SPATA45: variants seen among roughly 807,000 people sequenced by gnomAD.
SPATA45 encodes the protein spermatogenesis-associated protein 45.
In SPATA45, 5 loss-of-function variants were observed where a neutral mutation model predicts 7.0. The ratio of observed to expected loss-of-function variants is 0.71; its 90% confidence interval spans 0.37 to 1.50. The LOEUF is 1.50. SPATA45 is among the 40% of genes most tolerant of loss of function. The pLI is 0.03. For synonymous variants in SPATA45, 40 were observed against 38.7 expected (o/e 1.03, Z -0.13); for missense variants, 111 against 114.9 (o/e 0.97, Z 0.16).
At chr1:212,838,643 T>A (rs1410684772) in intron 1 of SPATA45, among the ~76,000 whole-genome samples, 1 of 151,826 alleles carries the variant, frequency 6.6e-6, no homozygotes, top group African/African-American at 2.4e-5. Flanking sequence ...ACATGAATGT[T>A]AATCACAGCT....
In SPATA45 at chr1:212,830,805, AC is replaced by A. The variant is rs552759697; in HGVS notation, c.278-545del. On this transcript the variant is annotated intron_variant, in intron 2 of 2. Coordinates refer to ENST00000332912, the MANE Select transcript of SPATA45 (RefSeq NM_001024601.3). ...AGACCATCCTGGCCAACATGTTGAA[AC>A]CCCCATCTCTACTAAAAAGACAAAA... is the stretch of plus-strand genomic sequence containing the variant. 2.7e-5 allele frequency among the ~76,000 whole-genome samples: 4 copies of A among 150,746 alleles called. No individual in the cohort carries two copies. The South Asian group carries it at 8.5e-4, about 32-fold the overall frequency.
intron 2 of SPATA45, among the ~76,000 whole-genome samples, chr1:212,835,369 C>CA (rs1449785699): frequency 3.3e-5 from 5 of 150,446 alleles, no homozygotes; most frequent in Admixed American, 3.3e-4. Flanking sequence ...ACTAAAAATA[C>CA]AAAAAAATCA....
At chr1:212,839,693 G>A (rs1268740368) in intron 1 of SPATA45, among the ~76,000 whole-genome samples, 1 of 151,630 alleles carries the variant, frequency 6.6e-6, no homozygotes, top group Non-Finnish European at 1.5e-5. Flanking sequence ...CTTGGGAATG[G>A]GGAAAGGTAG....
rs181070203 is a variant in SPATA45 at position 212,846,300 on chromosome 1, A to G, written c.-39+1280T>C. Among the ~76,000 whole-genome samples the G allele has an allele frequency of 9.2e-5, 14 of 152,028 alleles. No individual in the cohort carries two copies. The East Asian group carries it at 2.7e-3, about 29-fold the overall frequency. ...AAAAACATTGCCATTATCTCTCCAT[A>G]CCACCCCCAAAAGTTTTCGCTGCCT... On this transcript the variant is annotated intron_variant, in intron 1 of 2. Coordinates refer to ENST00000332912, the MANE Select transcript of SPATA45 (RefSeq NM_001024601.3).
chr1:212,846,882 T>A (rs1663807871), intron 1 of SPATA45, among the ~76,000 whole-genome samples: 1 of 152,072 alleles, frequency 6.6e-6, no homozygotes, highest in South Asian at 2.1e-4. Context: ...GAAACTTCTT[T>A]TTCTTTTCTT....
chr1:212,838,298 T>C (rs1663622215), intron 1 of SPATA45, among the ~76,000 whole-genome samples: 1 of 78,150 alleles, frequency 1.3e-5, no homozygotes, highest in Admixed American at 1.7e-4. Flanking sequence ...AGCAGGACTT[T>C]GTCTAAAAAA....
intron 1 of SPATA45, among the ~76,000 whole-genome samples, chr1:212,840,862 C>A (rs186884465): frequency 6.6e-6 from 1 of 152,122 alleles, no homozygotes; most frequent in Non-Finnish European, 1.5e-5. Context: ...TCTTGATCTG[C>A]CCGCCTTGGC....
intron 2 of SPATA45, among the ~76,000 whole-genome samples, chr1:212,834,463 T>C (rs1292359942): frequency 6.6e-6 from 1 of 151,174 alleles, no homozygotes; most frequent in African/African-American, 2.4e-5. Flanking sequence ...ACTTTTTTTT[T>C]TTTTTGAGAA....
intron 1 of SPATA45, among the ~76,000 whole-genome samples, chr1:212,838,148 T>TA (rs1232423692): frequency 2.7e-5 from 4 of 150,630 alleles, no homozygotes; most frequent in South Asian, 4.3e-4. Flanking sequence ...TAAAAATACA[T>TA]AAAAAAATTA....
At chr1:212,839,301 C>T (rs1023837196) in intron 1 of SPATA45, among the ~76,000 whole-genome samples, 1 of 148,792 alleles carries the variant, frequency 6.7e-6, no homozygotes, top group African/African-American at 2.5e-5. Flanking sequence ...GTATAGTGTA[C>T]GATTCCATGC....
chr1:212,837,156 T>C (rs1324615209), intron 1 of SPATA45, among the ~76,000 whole-genome samples: 1 of 151,382 alleles, frequency 6.6e-6, no homozygotes, highest in African/African-American at 2.4e-5. Flanking sequence ...CATATATTAA[T>C]AATGTAATAG....
chr1:212,845,159 C>T (rs1013407601), intron 1 of SPATA45, among the ~76,000 whole-genome samples: 3 of 152,180 alleles, frequency 2.0e-5, no homozygotes, highest in Non-Finnish European at 2.9e-5. Flanking sequence ...GCTACTAGCC[C>T]GTCTCTTAGA....
At chr1:212,832,240 G>A (rs145943650) in intron 2 of SPATA45, among the ~76,000 whole-genome samples, 5 of 150,674 alleles carry the variant, frequency 3.3e-5, no homozygotes, top group African/African-American at 1.2e-4. Flanking sequence ...CTGACCTCAG[G>A]TGATCCACTC....
intron 1 of SPATA45, among the ~76,000 whole-genome samples, chr1:212,845,674 C>G (rs779567914): frequency 8.5e-5 from 13 of 152,134 alleles, no homozygotes; most frequent in Non-Finnish European, 8.8e-5. Flanking sequence ...AAGTCCTATT[C>G]TTTACTTTTA....
At chr1:212,839,650 T>C (rs1571992099) in intron 1 of SPATA45, among the ~76,000 whole-genome samples, 1 of 146,674 alleles carries the variant, frequency 6.8e-6, no homozygotes, top group East Asian at 2.0e-4. Flanking sequence ...AAATATGAAG[T>C]CCCCTACAGT....
At chr1:212,837,907 C>T (rs770492465) in intron 1 of SPATA45, among the ~76,000 whole-genome samples, 1 of 151,666 alleles carries the variant, frequency 6.6e-6, no homozygotes, top group Non-Finnish European at 1.5e-5. Flanking sequence ...TTACAGTGAA[C>T]TTAAAAAGAA....
At chr1:212,847,438 G>A (rs977402013) in intron 1 of SPATA45, 142 bp downstream of exon 1, 4 of 152,106 alleles carry the variant, frequency 2.6e-5, no homozygotes, top group African/African-American at 9.7e-5. Flanking sequence ...GGGGCCGGCC[G>A]TATTCTTTCT....
chr1:212,839,883 C>A (rs912282340), intron 1 of SPATA45, among the ~76,000 whole-genome samples: 2 of 151,592 alleles, frequency 1.3e-5, no homozygotes, highest in Non-Finnish European at 3.0e-5. Context: ...AAAGCTCTTA[C>A]ATAAAATTGG....
chr1:212,843,218 C>G (rs10746437), intron 1 of SPATA45, among the ~76,000 whole-genome samples: 105,151 of 150,140 alleles, frequency 0.7, 37,234 homozygotes, highest in African/African-American at 0.77. Context: ...TGAACTCCAG[C>G]GGCAGAGGTT....
Sources: allele counts gnomAD v4.1 joint callset (sites outside exome capture counted in the v4.1 genomes callset), GRCh38; gene constraint gnomAD v4.1.1; transcripts MANE v1.5; gene names NCBI Gene and HGNC (gene_info 2026-07-23, HGNC 2026-07-21).